The following CFAP69 variants were observed in gnomAD, a reference collection of about 807,000 sequenced individuals.
CFAP69 encodes the protein cilia- and flagella-associated protein 69.
CFAP69 carries 92 observed loss-of-function variants against 123.0 expected under a neutral mutation model. The observed-to-expected ratio is 0.75, with a 90% CI of 0.63 to 0.89. The LOEUF (loss-of-function observed/expected upper bound fraction) is 0.89, where lower values mean the gene tolerates loss of function less well. CFAP69 is among the 40% of genes least tolerant of loss of function. The probability of loss-of-function intolerance (pLI) is 0.00; values close to 1 mark genes in which losing one functional copy is unlikely to be tolerated. For synonymous variants in CFAP69, 380 were observed against 364.3 expected, an observed-to-expected ratio of 1.04 and a Z score of -0.49; for missense variants, 1,067 against 1,096.9, an observed-to-expected ratio of 0.97 and a Z score of 0.39.
chr7:90,316,480 A>G, the CFAP69 span: 2 of 152,144 alleles, frequency 1.3e-5, no homozygotes, highest in Non-Finnish European at 2.9e-5. Flanking sequence ...ATTGCTTTTG[A>G]ATTAGATCTT....
chr7:90,250,241 T>G (rs1796848005), intron 1 of CFAP69, among the ~76,000 whole-genome samples: 1 of 107,114 alleles, frequency 9.3e-6, no homozygotes, highest in Admixed American at 8.8e-5. Flanking sequence ...AGAGACTCCT[T>G]GGTTGTCCAT....
chr7:90,288,162 A>G (rs1790578280), intron 14 of CFAP69, 72 bp from the exon 15 acceptor site: 2 of 1,216,160 alleles, frequency 1.6e-6, no homozygotes, highest in East Asian at 2.5e-5. Context: ...ATATTAGGGG[A>G]CCGATAAAGT....
At chr7:90,272,883 C>G (rs1488882694) in intron 8 of CFAP69, among the ~76,000 whole-genome samples, 1 of 152,054 alleles carries the variant, frequency 6.6e-6, no homozygotes, top group Non-Finnish European at 1.5e-5. Flanking sequence ...TAATATTGGT[C>G]AAATGCCTGT....
chr7:90,258,451 T>C (rs1797914568), intron 3 of CFAP69, among the ~76,000 whole-genome samples: 1 of 152,248 alleles, frequency 6.6e-6, no homozygotes, highest in Middle Eastern at 3.4e-3. Context: ...CCTTGCCTCA[T>C]GCCCTCTTCC....
Position 90,279,861 on chromosome 7 carries a change from T to A in CFAP69, c.1340T>A (p.Val447Asp). 1 of 1,607,690 alleles carries A rather than the reference T, an allele frequency of 6.2e-7. No individual in the cohort carries two copies. Among genetic ancestry groups the A allele is most frequent in the Non-Finnish European group, 8.5e-7 (1 of 1,178,130 alleles). ...ATGTCATGCCAGGGAAATGCTCGAG[T>A]CCTTGCATTTCTAGAATGGTGTGAG... ...EYMSCQGNARVLAFLEWCESE... is the reference protein window; with the variant it reads ...EYMSCQGNARDLAFLEWCESE... Residue 447 changes from valine to aspartate, a missense_variant, in exon 12 of 23, where the codon GTC becomes GAC. Val to Asp is a radical substitution (Grantham distance 152). Coordinates refer to ENST00000389297, the MANE Select transcript of CFAP69 (RefSeq NM_001039706.3).
chr7:90,261,468 C>T (rs1288428255), intron 3 of CFAP69, among the ~76,000 whole-genome samples: 1 of 152,044 alleles, frequency 6.6e-6, no homozygotes, highest in Non-Finnish European at 1.5e-5. Context: ...CAATTTAAGC[C>T]TTAAACACAG....
chr7:90,254,798 T>A (rs1172627396), intron 1 of CFAP69, among the ~76,000 whole-genome samples: 1 of 152,128 alleles, frequency 6.6e-6, no homozygotes, highest in Admixed American at 6.6e-5. Context: ...GATTTCAGTT[T>A]TATTGTTCTG....
At chr7:90,254,672 G>A (rs1797433485) in intron 1 of CFAP69, among the ~76,000 whole-genome samples, 1 of 152,130 alleles carries the variant, frequency 6.6e-6, no homozygotes, top group Admixed American at 6.6e-5. Context: ...CGTCTTGAAG[G>A]ACCTGTGGGA....
intron 13 of CFAP69, among the ~76,000 whole-genome samples, chr7:90,284,188 C>T (rs1330625418): frequency 3.3e-5 from 5 of 152,010 alleles, no homozygotes; most frequent in Admixed American, 6.6e-5. Flanking sequence ...TCCCTTTAAC[C>T]GGAAAGAAGC....
chr7:90,302,691 G>A (rs1439156674), intron 17 of CFAP69: 1 of 152,052 alleles, frequency 6.6e-6, no homozygotes, highest in Non-Finnish European at 1.5e-5. Context: ...GTCTGTTTTT[G>A]TACCAGTACT....
intron 18 of CFAP69, 43 bp downstream of exon 18, chr7:90,304,149 G>A: frequency 8.1e-6 from 12 of 1,484,702 alleles, no homozygotes; most frequent in Non-Finnish European, 1.1e-5. Context: ...GTTTTGCTAA[G>A]TATACACACT....
intron 9 of CFAP69, among the ~76,000 whole-genome samples, chr7:90,275,817 T>C (rs1007968858): frequency 6.6e-6 from 1 of 151,980 alleles, no homozygotes; most frequent in Non-Finnish European, 1.5e-5. Context: ...TTAGCCAGGA[T>C]GGTCTCGATC....
chr7:90,303,896 T>C (rs977692940), intron 17 of CFAP69, 73 bp from the exon 18 acceptor site: 3 of 1,422,422 alleles, frequency 2.1e-6, no homozygotes, highest in Admixed American at 2.7e-5. Context: ...TAGACTAAAA[T>C]CTCAAAATTA....
At chr7:90,246,248 G>A (rs1486008668) in intron 1 of CFAP69, among the ~76,000 whole-genome samples, 2 of 152,166 alleles carry the variant, frequency 1.3e-5, no homozygotes, top group East Asian at 1.9e-4. Context: ...TCTATTCGAG[G>A]CGGAGGTGTT....
chr7:90,286,402 A>G lies in CFAP69; in HGVS notation c.1656+3A>G, dbSNP rs755487154. ...GTGAGAATCACATTCAAAGGAAGGT[A>G]TGTATGCCTGTGAAAGTTTTGTTCA... On this transcript the variant is annotated splice_donor_region_variant and intron_variant, in intron 14 of 22. Transcript: ENST00000389297. 1.2e-6 allele frequency: 2 copies of G among 1,609,754 alleles called. No homozygotes were observed. Among genetic ancestry groups the G allele is most frequent in the African/African-American group, 1.3e-5 (1 of 74,764 alleles).
At chr7:90,297,449 C>T (rs1424998904) in intron 15 of CFAP69, among the ~76,000 whole-genome samples, 1 of 152,076 alleles carries the variant, frequency 6.6e-6, no homozygotes, top group Non-Finnish European at 1.5e-5. Context: ...GTTATGAGAC[C>T]AGCCAGAGAT....
In CFAP69 at chr7:90,258,183, G is replaced by A; in HGVS notation, c.246+20G>A. 6.8e-7 allele frequency: 1 copy of A among 1,468,444 alleles called. No homozygotes were observed. Among genetic ancestry groups the A allele is most frequent in the Non-Finnish European group, 9.4e-7 (1 of 1,065,926 alleles). 91.0% of individuals were successfully genotyped at this position (1,468,444 alleles called of 1,614,324 possible). A position where few individuals can be genotyped will look rare whatever the true frequency, so the allele number is the denominator to read the frequency against. On this transcript the variant is annotated intron_variant, in intron 3 of 22. Transcript: ENST00000389297. ...GGACTTGTATCCTTTACATATATAT[G>A]TATGTTCATTTCATTTATTCTGAAA...
chr7:90,319,669 T>C, the CFAP69 span: 1 of 398,522 alleles, frequency 2.5e-6, no homozygotes, highest in East Asian at 3.6e-5. Flanking sequence ...TTTTTGAAAC[T>C]CAAAGTCAGC....
chr7:90,266,444 A>C (rs1346500251), intron 5 of CFAP69, among the ~76,000 whole-genome samples: 1 of 152,170 alleles, frequency 6.6e-6, no homozygotes, highest in African/African-American at 2.4e-5. Flanking sequence ...AAGCCAACCC[A>C]AAAGAGGACA....
Sources: allele counts gnomAD v4.1 joint callset (sites outside exome capture counted in the v4.1 genomes callset), GRCh38; gene constraint gnomAD v4.1.1; transcripts MANE v1.5; gene names NCBI Gene and HGNC (gene_info 2026-07-23, HGNC 2026-07-21).